Variants in RAB3D observed in about 807,000 individuals in gnomAD.
RAB3D encodes RAB3D, member RAS oncogene family, also known as ras-related protein Rab-3D.
RAB3D carries 17 observed loss-of-function variants against 19.3 expected under a neutral mutation model. The observed-to-expected ratio is 0.88, with a 90% CI of 0.60 to 1.32. The LOEUF is 1.32. Among genes scored for constraint, RAB3D ranks in the 40% most tolerant of loss-of-function variants. The pLI is 0.00. For synonymous variants in RAB3D, 103 were observed against 119.9 expected (o/e 0.86, Z 0.92); for missense variants, 223 against 299.1 (o/e 0.75, Z 1.88).
chr19:11,336,039 T>A (rs1966892933), intron 2 of RAB3D, among the ~76,000 whole-genome samples: 1 of 152,208 alleles, frequency 6.6e-6, no homozygotes, highest in African/African-American at 2.4e-5. Context: ...CTTGAGGGGT[T>A]CCAAGTCTCA....
At chr19:11,337,488 G>C in intron 1 of RAB3D, 28 bp from the exon 2 acceptor site, 1 of 1,050,108 alleles carries the variant, frequency 9.5e-7, no homozygotes, top group Non-Finnish European at 1.5e-6. Flanking sequence ...ATCAAGAACA[G>C]CTCCTGTGAA....
intron 4 of RAB3D, among the ~76,000 whole-genome samples, chr19:11,333,027 T>C (rs1014796990): frequency 1.3e-5 from 2 of 151,484 alleles, no homozygotes; most frequent in African/African-American, 4.9e-5. Flanking sequence ...AATGGAATAG[T>C]ACACAGCCAT....
intron 4 of RAB3D, among the ~76,000 whole-genome samples, chr19:11,331,039 A>G (rs2080834203): frequency 6.6e-6 from 1 of 151,710 alleles, no homozygotes; most frequent in African/African-American, 2.4e-5. Context: ...AAATTTAAAA[A>G]ATAAATGGTT....
Position 11,335,741 on chromosome 19 carries a change from A to C in RAB3D, c.271T>G (p.Tyr91Asp). 6.2e-7 allele frequency: 1 copy of C among 1,614,218 alleles called. No individual in the cohort carries two copies. The highest frequency in any genetic ancestry group is 8.5e-7 in the Non-Finnish European group (1 of 1,180,024). The stretch of plus-strand genomic sequence containing the variant: ...AGGAAGCCCATGGCTCCCCGGTAGT[A>C]GGCCGTGGTGATGGTGCGGTAGCGC... ...QERYRTITTAYYRGAMGFLLM... is the reference protein window; with the variant it reads ...QERYRTITTADYRGAMGFLLM... The change falls in exon 3 of 5, where the codon TAC becomes GAC. Residue 91 changes from tyrosine (Y) to aspartate (D), a missense_variant. Coordinates refer to ENST00000222120, the MANE Select transcript of RAB3D (RefSeq NM_004283.4).
At chr19:11,333,990 C>T (rs966019442) in intron 4 of RAB3D, among the ~76,000 whole-genome samples, 1 of 152,094 alleles carries the variant, frequency 6.6e-6, no homozygotes, top group African/African-American at 2.4e-5. Flanking sequence ...GCCACCACGC[C>T]CGGCCACAAA....
Position 11,334,410 on chromosome 19 carries a change from A to C in RAB3D, c.472+1037T>G, listed in dbSNP as rs1599359305. On this transcript the variant is annotated intron_variant, in intron 4 of 4. Transcript: ENST00000222120. ...CTTGAATGCAGGAGGTAGAGGTTGC[A>C]GTGAGCCAAGATCGCACCACTGCAC... Among the ~76,000 whole-genome samples the C allele has an allele frequency of 2.0e-5, 3 of 152,298 alleles. No individual in the cohort carries two copies. In the East Asian group the frequency reaches 5.8e-4, roughly 29 times the overall value.
In RAB3D at chr19:11,325,321, T is replaced by A; in HGVS notation, c.*77A>T. 1.1e-6 allele frequency: 1 copy of A among 935,606 alleles called. No individual in the cohort carries two copies. The highest frequency in any genetic ancestry group is 1.6e-5 in the South Asian group (1 of 63,826). The allele number at this position is 935,606 out of a possible 1,614,324, so 58.0% of individuals were successfully genotyped here. Reference sequence around the variant, plus strand: ...GAAGGGATTGCCCTGAGCTTGGAGATAACCACTGTGGCTCACGCCTCGATC... The same window carrying A: ...GAAGGGATTGCCCTGAGCTTGGAGAAAACCACTGTGGCTCACGCCTCGATC... On this transcript the variant is annotated 3_prime_UTR_variant, in exon 5 of 5. Transcript: ENST00000222120.
rs61743900 is a variant in RAB3D, at chr19:11,335,517, C to T, written c.402G>A (p.Gly134=). The T allele has an allele frequency of 4.4e-4, 705 of 1,614,176 alleles. 5 individuals are homozygous for T. The African/African-American group carries it at 8.2e-3, about 19-fold the overall frequency. ...SWDNAQVILV[G]NKCDLEDERV... ...GTTCGTCCTCCAGGTCACACTTGTT[C>T]CCCACCAGGATGACCTGGGCGTTGT... is the stretch of plus-strand genomic sequence containing the variant. Residue 134 remains glycine (G), a synonymous_variant, in exon 4 of 5, where the codon GGG becomes GGA. Coordinates refer to ENST00000222120, the MANE Select transcript of RAB3D (RefSeq NM_004283.4).
In RAB3D at chr19:11,322,241, G is replaced by A. The variant is rs1467062790; in HGVS notation, c.*3157C>T. The A allele has an allele frequency of 6.6e-6, 1 of 151,856 alleles. No homozygotes were observed. Among genetic ancestry groups the A allele is most frequent in the African/African-American group, 2.4e-5 (1 of 41,344 alleles). The allele number at this position is 151,856 out of a possible 1,614,324, so 9.4% of individuals were successfully genotyped here. A position where few individuals can be genotyped will look rare whatever the true frequency, so the allele number is the denominator to read the frequency against. On this transcript the variant is annotated 3_prime_UTR_variant, in exon 5 of 5. Coordinates refer to ENST00000222120, the MANE Select transcript of RAB3D (RefSeq NM_004283.4). The stretch of plus-strand genomic sequence containing the variant: ...GAGGAGCCGGTAGCAGAATTATCCC[G>A]TTAACACTGAGACCACATTTCACCT...
At position 11,337,231 on chromosome 19, in the gene RAB3D, T is replaced by TCCCTTCACTCCC. The variant is rs1464949040; in HGVS notation, c.168_169insGGGAGTGAAGGG (p.Gly56_Ile57insGlySerGluGly). 6.2e-7 allele frequency: 1 copy of TCCCTTCACTCCC among 1,614,090 alleles called. No homozygotes were observed. Among genetic ancestry groups the TCCCTTCACTCCC allele is most frequent in the South Asian group, 1.1e-5 (1 of 91,088 alleles). ...TAGACGGTCTTGACCTTGAAATCGA[T>TCCCTTCACTCCC]GCCCACAGTACTGACGAAGGCGGGA... is the stretch of plus-strand genomic sequence containing the variant. On this transcript the variant is annotated inframe_insertion, in exon 2 of 5. Transcript: ENST00000222120.
intron 4 of RAB3D, among the ~76,000 whole-genome samples, chr19:11,329,994 T>C (rs951240896): frequency 6.6e-6 from 1 of 152,142 alleles, no homozygotes; most frequent in Non-Finnish European, 1.5e-5. Context: ...TACTCCAATA[T>C]TTTAAACATA....
rs758775857 is a variant in RAB3D at position 11,337,334 on chromosome 19, C to G, written c.66G>C (p.Met22Ile). 2.5e-6 allele frequency: 4 copies of G among 1,614,154 alleles called. No homozygotes were observed. Among genetic ancestry groups the G allele is most frequent in the Non-Finnish European group, 3.4e-6 (4 of 1,180,028 alleles). Residue 22 changes from methionine to isoleucine, a missense_variant, in exon 2 of 5, where the codon ATG becomes ATC. Met to Ile is a conservative substitution (Grantham distance 10). Coordinates refer to ENST00000222120, the MANE Select transcript of RAB3D (RefSeq NM_004283.4). The part of the protein sequence containing the change: ...RDAADQNFDY[M>I]FKLLLIGNSS... Reference sequence around the variant, plus strand: ...TGTTGCCTATCAGTAGCAGTTTGAACATATAGTCGAAGTTCTGATCTGCTG... The same window carrying G: ...TGTTGCCTATCAGTAGCAGTTTGAAGATATAGTCGAAGTTCTGATCTGCTG...
chr19:11,333,549 G>T (rs1281235559), intron 4 of RAB3D, among the ~76,000 whole-genome samples: 1 of 152,188 alleles, frequency 6.6e-6, no homozygotes, highest in Admixed American at 6.5e-5. Context: ...GAAGCTGGGA[G>T]ACCAGAACTG....
chr19:11,325,695 G>T, intron 4 of RAB3D, 110 bp from the exon 5 acceptor site: 1 of 1,047,584 alleles, frequency 9.5e-7, no homozygotes, highest in Non-Finnish European at 1.4e-6. Context: ...TTATCCTGCT[G>T]TGGGACCTTG....
chr19:11,327,451 T>G (rs914198049), intron 4 of RAB3D, among the ~76,000 whole-genome samples: 3 of 152,142 alleles, frequency 2.0e-5, no homozygotes, highest in Admixed American at 6.6e-5. Flanking sequence ...CAGGCTGGAG[T>G]GTAACGGCAC....
At chr19:11,337,090 T>G (rs1239982778) in intron 2 of RAB3D, 82 bp downstream of exon 2, 4 of 1,193,754 alleles carry the variant, frequency 3.4e-6, no homozygotes, top group Non-Finnish European at 3.6e-6. Context: ...TGAGACTCCG[T>G]CTCAAAAAAA....
rs773647128 is a variant in RAB3D at position 11,335,579 on chromosome 19, G to C, written c.348-8C>G. ...GTCTTGATTTGCGTGGCCCTGCAGAGTTACCAGTGGTGAGCCATGAGCCGG... is the reference window on the plus strand; with the variant it reads ...GTCTTGATTTGCGTGGCCCTGCAGACTTACCAGTGGTGAGCCATGAGCCGG... On this transcript the variant is annotated splice_region_variant and splice_polypyrimidine_tract_variant and intron_variant, in intron 3 of 4. Transcript: ENST00000222120. 6.2e-7 allele frequency: 1 copy of C among 1,614,072 alleles called. No individual in the cohort carries two copies. Among genetic ancestry groups the C allele is most frequent in the South Asian group, 1.1e-5 (1 of 91,088 alleles).
rs1599353564 is a variant in RAB3D at position 11,322,919 on chromosome 19, G to C, written c.*2479C>G. The C allele has an allele frequency of 2.6e-5, 4 of 152,066 alleles. No individual in the cohort carries two copies. The highest frequency in any genetic ancestry group is 9.7e-5 in the African/African-American group (4 of 41,396). 9.4% of individuals were successfully genotyped at this position (152,066 alleles called of 1,614,324 possible). ...TAGAGACAATTGGCCAACAAAACCAGCCTGGCCAACAAGGTGAAACCGTCG... is the reference window on the plus strand; with the variant it reads ...TAGAGACAATTGGCCAACAAAACCACCCTGGCCAACAAGGTGAAACCGTCG... On this transcript the variant is annotated 3_prime_UTR_variant, in exon 5 of 5. Transcript: ENST00000222120.
Position 11,335,743 on chromosome 19 carries a change from G to A in RAB3D, c.269C>T (p.Ala90Val). 6.2e-7 allele frequency: 1 copy of A among 1,614,216 alleles called. No homozygotes were observed. The highest frequency in any genetic ancestry group is 1.1e-5 in the South Asian group (1 of 91,088). ...GAAGCCCATGGCTCCCCGGTAGTAGGCCGTGGTGATGGTGCGGTAGCGCTC... is the reference window on the plus strand; with the variant it reads ...GAAGCCCATGGCTCCCCGGTAGTAGACCGTGGTGATGGTGCGGTAGCGCTC... ...GQERYRTITT[A>V]YYRGAMGFLL... The change falls in exon 3 of 5, where the codon GCC becomes GTC. Residue 90 changes from alanine to valine, a missense_variant. By Grantham distance (64) the Ala-to-Val change is moderately conservative. Transcript: ENST00000222120.
Sources: allele counts gnomAD v4.1 joint callset (sites outside exome capture counted in the v4.1 genomes callset), GRCh38; gene constraint gnomAD v4.1.1; transcripts MANE v1.5; gene names NCBI Gene and HGNC (gene_info 2026-07-23, HGNC 2026-07-21).